The following ROBO2 variants were observed in gnomAD, a reference collection of about 807,000 sequenced individuals.
The protein encoded by ROBO2 is roundabout homolog 2.
ROBO2 carries 53 observed loss-of-function variants against 160.8 expected under a neutral mutation model. That is an observed-to-expected ratio of 0.33 (90% CI 0.26 to 0.41). The LOEUF is 0.41. Among genes scored for constraint, ROBO2 ranks in the 10% least tolerant of loss-of-function variants. ROBO2 has a pLI of 1.00. For synonymous variants in ROBO2, 664 were observed against 611.7 expected, an observed-to-expected ratio of 1.09 and a Z score of -1.26; for missense variants, 1,577 against 1,722.4, an observed-to-expected ratio of 0.92 and a Z score of 1.49.
intron 2 of ROBO2, among the ~76,000 whole-genome samples, chr3:76,571,507 T>C (rs766327486): frequency 1.3e-5 from 2 of 152,100 alleles, no homozygotes; most frequent in Non-Finnish European, 2.9e-5. Flanking sequence ...CTTCATGAGA[T>C]AGAATTATCA....
At chr3:76,815,458 T>G (rs2065582543) in intron 2 of ROBO2, among the ~76,000 whole-genome samples, 1 of 151,374 alleles carries the variant, frequency 6.6e-6, no homozygotes, top group African/African-American at 2.4e-5. Flanking sequence ...AAAAAAAAAG[T>G]GTTAACAGAA....
intron 2 of ROBO2, among the ~76,000 whole-genome samples, chr3:76,498,969 G>A (rs145114634): frequency 0.01 from 1,532 of 152,208 alleles, 23 homozygotes; most frequent in African/African-American, 0.035. Context: ...TTACAGGCCT[G>A]AGCCACTGCG....
chr3:76,427,458 A>G (rs1053805911), intron 2 of ROBO2, among the ~76,000 whole-genome samples: 1 of 152,118 alleles, frequency 6.6e-6, no homozygotes, highest in Non-Finnish European at 1.5e-5. Context: ...GACTACTACA[A>G]ATGTAAGGAC....
intron 2 of ROBO2, among the ~76,000 whole-genome samples, chr3:76,405,749 A>G (rs2078089923): frequency 6.6e-6 from 1 of 151,688 alleles, no homozygotes; most frequent in Non-Finnish European, 1.5e-5. Context: ...CAACCTTGAA[A>G]AGGAAAGCAC....
At chr3:76,557,165 C>G (rs926632218) in intron 2 of ROBO2, among the ~76,000 whole-genome samples, 3 of 152,072 alleles carry the variant, frequency 2.0e-5, no homozygotes, top group Admixed American at 2.0e-4. Context: ...AAGCTGCTCA[C>G]TCTATAAGAT....
intron 2 of ROBO2, among the ~76,000 whole-genome samples, chr3:77,430,027 C>T (rs989096922): frequency 6.6e-6 from 1 of 152,118 alleles, no homozygotes; most frequent in South Asian, 2.1e-4. Context: ...TCATATAATC[C>T]TATCCCTAGA....
intron 2 of ROBO2, among the ~76,000 whole-genome samples, chr3:76,168,785 G>C (rs1182417184): frequency 6.6e-6 from 1 of 151,596 alleles, no homozygotes; most frequent in East Asian, 1.9e-4. Flanking sequence ...AAATATAAGT[G>C]TAATGCAATG....
At chr3:75,991,158 T>C (rs2065556045) in intron 2 of ROBO2, among the ~76,000 whole-genome samples, 1 of 152,180 alleles carries the variant, frequency 6.6e-6, no homozygotes, top group Admixed American at 6.5e-5. Context: ...AATCTCTCTA[T>C]CTATGTGTGT....
At chr3:76,348,850 CAG>C (rs1409911507) in intron 2 of ROBO2, among the ~76,000 whole-genome samples, 1 of 152,028 alleles carries the variant, frequency 6.6e-6, no homozygotes, top group Non-Finnish European at 1.5e-5. Context: ...TATCATTGGA[CAG>C]TGTTATTATT....
chr3:77,465,907 A>G (rs2082715153), intron 2 of ROBO2, among the ~76,000 whole-genome samples: 1 of 152,142 alleles, frequency 6.6e-6, no homozygotes. Flanking sequence ...TAAATTTGGT[A>G]TTTAGGATAT....
intron 2 of ROBO2, among the ~76,000 whole-genome samples, chr3:77,346,892 T>G (rs2067711180): frequency 6.6e-6 from 1 of 152,194 alleles, no homozygotes; most frequent in South Asian, 2.1e-4. Flanking sequence ...AGTTTCTCTC[T>G]TCTTAAGGGC....
At chr3:76,570,507 G>T (rs1219212169) in intron 2 of ROBO2, among the ~76,000 whole-genome samples, 1 of 152,140 alleles carries the variant, frequency 6.6e-6, no homozygotes, top group East Asian at 1.9e-4. Context: ...AACCATATAA[G>T]GAGCTTTTAA....
intron 2 of ROBO2, among the ~76,000 whole-genome samples, chr3:76,953,378 G>A (rs1270619550): frequency 1.3e-5 from 2 of 152,186 alleles, no homozygotes; most frequent in African/African-American, 4.8e-5. Flanking sequence ...GTGATATCAG[G>A]AAAGGGGCAG....
At chr3:76,335,178 GTTTTTTTTTTTTTTTT>G (rs34963831) in intron 2 of ROBO2, among the ~76,000 whole-genome samples, 5 of 77,894 alleles carry the variant, frequency 6.4e-5, no homozygotes, top group African/African-American at 1.0e-4. Flanking sequence ...TTTCTGTTTT[GTTTTTTTTTTTTTTTT>G]TTTTTTTGAG....
intron 2 of ROBO2, among the ~76,000 whole-genome samples, chr3:75,985,683 A>G (rs1007608838): frequency 4.6e-5 from 7 of 151,526 alleles, no homozygotes; most frequent in Non-Finnish European, 8.9e-5. Context: ...AGAGCTCTTT[A>G]GTCTTGTGAA....
At chr3:77,625,481 G>A (rs1472071422) in intron 23 of ROBO2, among the ~76,000 whole-genome samples, 1 of 151,758 alleles carries the variant, frequency 6.6e-6, no homozygotes, top group Non-Finnish European at 1.5e-5. Flanking sequence ...GGGTTCAAGC[G>A]ATTCTCGTGC....
intron 2 of ROBO2, among the ~76,000 whole-genome samples, chr3:76,720,648 G>A (rs2093450606): frequency 1.3e-5 from 2 of 152,312 alleles, no homozygotes; most frequent in South Asian, 2.1e-4. Flanking sequence ...CTATAGACTA[G>A]TGTATTATAA....
intron 2 of ROBO2, among the ~76,000 whole-genome samples, chr3:76,364,430 T>C (rs1041599981): frequency 7.9e-5 from 12 of 152,096 alleles, no homozygotes; most frequent in African/African-American, 2.9e-4. Flanking sequence ...AAGCACTTCT[T>C]GTTCAAAGCT....
At chr3:77,190,467 C>T (rs936197634) in intron 2 of ROBO2, among the ~76,000 whole-genome samples, 5 of 151,926 alleles carry the variant, frequency 3.3e-5, no homozygotes, top group African/African-American at 1.2e-4. Context: ...CTCCTTTTAG[C>T]GTCCCTCCCA....
Sources: gnomAD v4.1 joint callset for allele counts (sites outside exome capture counted in the v4.1 genomes callset) on GRCh38, gnomAD v4.1.1 for gene constraint, MANE v1.5 for transcripts, NCBI Gene and HGNC (gene_info 2026-07-23, HGNC 2026-07-21) for gene names.